The following SEMA3C variants were observed in gnomAD, a reference collection of about 807,000 sequenced individuals.
SEMA3C encodes semaphorin-3C.
SEMA3C carries 47 observed loss-of-function variants against 89.4 expected under a neutral mutation model. The observed-to-expected ratio is 0.53, with a 90% CI of 0.42 to 0.67. The LOEUF is 0.67. SEMA3C is among the 30% of genes least tolerant of loss of function. SEMA3C has a pLI of 0.00. For missense variants in SEMA3C, 839 were observed against 929.1 expected (o/e 0.90, Z 1.26); for synonymous variants, 310 against 320.2 (o/e 0.97, Z 0.34).
At position 80,761,634 on chromosome 7, in the gene SEMA3C, C is replaced by A; in HGVS notation, c.1467G>T (p.Met489Ile). 1 of 1,343,426 alleles carries A rather than the reference C, an allele frequency of 7.4e-7. No individual in the cohort carries two copies. The highest frequency in any genetic ancestry group is 1.3e-5 in the South Asian group (1 of 76,742). The allele number at this position is 1,343,426 out of a possible 1,614,324, so 83.2% of individuals were successfully genotyped here. ...VFKNHAPITT[M>I]KISSKKQQLY... is the part of the protein sequence containing the mutation. ...TTTTTACCTTTTTAGATGAAATTTT[C>A]ATTGTTGTTATAGGAGCATGATTCT... is the stretch of plus-strand genomic sequence containing the variant. Residue 489 changes from methionine (M) to isoleucine (I), a missense_variant, in exon 14 of 18, where the codon ATG becomes ATT. By Grantham distance (10) the Met-to-Ile change is conservative. Transcript: ENST00000265361.
rs1346622714 is a variant in SEMA3C, at chr7:80,775,058, A to T, written c.1355-9815T>A. On this transcript the variant is annotated intron_variant, in intron 12 of 17. Coordinates refer to ENST00000265361, the MANE Select transcript of SEMA3C (RefSeq NM_006379.5). ...GAAGCCAAGAAGATAATGGAATGGC[A>T]TTTTTTTAAATGCTGAAAGAAAAGA... Among the ~76,000 whole-genome samples, 7 of 152,198 alleles carry T rather than the reference A, an allele frequency of 4.6e-5. No homozygotes were observed. In the South Asian group the frequency reaches 6.2e-4, roughly 14 times the overall value.
intron 12 of SEMA3C, among the ~76,000 whole-genome samples, chr7:80,768,309 C>T (rs562625021): frequency 5.9e-5 from 9 of 151,962 alleles, no homozygotes; most frequent in Non-Finnish European, 1.2e-4. Flanking sequence ...GTCAGGAGAT[C>T]GAGACCATCC....
chr7:80,881,758 T>C (rs1482934800), intron 2 of SEMA3C, among the ~76,000 whole-genome samples: 1 of 152,144 alleles, frequency 6.6e-6, no homozygotes, highest in Non-Finnish European at 1.5e-5. Context: ...AGATAACCCA[T>C]TAGTAGGGCC....
At chr7:80,906,061 A>G (rs1002887892) in intron 2 of SEMA3C, 10 of 360,456 alleles carry the variant, frequency 2.8e-5, no homozygotes, top group Middle Eastern at 1.7e-3. Context: ...AAAAGGGCCT[A>G]AAAGCTTTTT....
intron 2 of SEMA3C, among the ~76,000 whole-genome samples, chr7:80,904,559 G>C (rs1274694031): frequency 6.6e-6 from 1 of 152,168 alleles, no homozygotes; most frequent in Non-Finnish European, 1.5e-5. Flanking sequence ...CTGGCTTTGA[G>C]AATCTCAACT....
intron 2 of SEMA3C, among the ~76,000 whole-genome samples, chr7:80,898,535 G>T (rs1791796058): frequency 1.3e-5 from 2 of 152,056 alleles, no homozygotes; most frequent in South Asian, 4.1e-4. Context: ...ATAAAAATAT[G>T]CATGTGTCAA....
At chr7:80,881,164 AAC>A (rs71802410) in intron 2 of SEMA3C, among the ~76,000 whole-genome samples, 24,403 of 135,076 alleles carry the variant, frequency 0.18, 2,071 homozygotes, top group African/African-American at 0.27. Flanking sequence ...TGGAGAAAGA[AAC>A]ACACACACAC....
chr7:80,744,921 G>GT lies in SEMA3C; in HGVS notation c.2228dup (p.Asn743LysfsTer32). ...ATGACTCTGGCAACTGATTCCTCCT[G>GT]TTTCTACTTTTCCGACTATTGATGA... On this transcript the variant is annotated frameshift_variant, in exon 18 of 18. Transcript: ENST00000265361. LOFTEE classifies it high-confidence loss of function. 1 of 1,614,062 alleles carries GT rather than the reference G, an allele frequency of 6.2e-7. No individual in the cohort carries two copies. Among genetic ancestry groups the GT allele is most frequent in the Non-Finnish European group, 8.5e-7 (1 of 1,179,966 alleles).
chr7:80,786,942 G>T lies in SEMA3C; in HGVS notation c.1354+2364C>A, dbSNP rs189700145. Among the ~76,000 whole-genome samples, 572 of 152,238 alleles carry T rather than the reference G, an allele frequency of 3.8e-3. 3 individuals are homozygous for T. The highest frequency in any genetic ancestry group is 0.013 in the African/African-American group (538 of 41,542). The stretch of plus-strand genomic sequence containing the variant: ...GAAGCATGATGTTTGAAATGTTAAT[G>T]GGTTATACAATGTGTGTTATCCAAC... On this transcript the variant is annotated intron_variant, in intron 12 of 17. Coordinates refer to ENST00000265361, the MANE Select transcript of SEMA3C (RefSeq NM_006379.5).
intron 4 of SEMA3C, among the ~76,000 whole-genome samples, chr7:80,824,955 C>G (rs1322010025): frequency 2.6e-5 from 4 of 152,116 alleles, no homozygotes; most frequent in Admixed American, 2.0e-4. Flanking sequence ...ATTGTAAAGA[C>G]TTAAATGTAA....
intron 2 of SEMA3C, among the ~76,000 whole-genome samples, chr7:80,891,568 T>C (rs1239123679): frequency 6.6e-6 from 1 of 152,168 alleles, no homozygotes; most frequent in Non-Finnish European, 1.5e-5. Flanking sequence ...ACATGCCCTT[T>C]CTTTGCACAC....
chr7:80,775,463 C>G, intron 12 of SEMA3C, among the ~76,000 whole-genome samples: 1 of 152,068 alleles, frequency 6.6e-6, no homozygotes, highest in East Asian at 1.9e-4. Context: ...TGATATCTTA[C>G]AGAGTATTAA....
chr7:80,901,390 T>G (rs1026013162), intron 2 of SEMA3C, among the ~76,000 whole-genome samples: 3 of 152,172 alleles, frequency 2.0e-5, no homozygotes, highest in Non-Finnish European at 4.4e-5. Context: ...GCTGTGAAAC[T>G]CACATTTTGA....
At chr7:80,840,388 A>T (rs1790234696) in intron 2 of SEMA3C, among the ~76,000 whole-genome samples, 1 of 151,690 alleles carries the variant, frequency 6.6e-6, no homozygotes, top group East Asian at 2.0e-4. Flanking sequence ...GCTTGGTGGC[A>T]TGCACCTGTA....
intron 2 of SEMA3C, among the ~76,000 whole-genome samples, chr7:80,866,165 T>C (rs530995634): frequency 1.3e-5 from 2 of 152,352 alleles, no homozygotes; most frequent in East Asian, 3.9e-4. Context: ...AACTCTATTA[T>C]ATAAATCACA....
intron 2 of SEMA3C, among the ~76,000 whole-genome samples, chr7:80,888,776 ATT>A (rs1421153488): frequency 1.3e-5 from 2 of 152,156 alleles, no homozygotes; most frequent in African/African-American, 2.4e-5. Context: ...ACAAAAAAAT[ATT>A]GAGTCCAACT....
At chr7:80,912,374 G>C (rs184567592) in intron 2 of SEMA3C, among the ~76,000 whole-genome samples, 3 of 151,978 alleles carry the variant, frequency 2.0e-5, no homozygotes, top group Non-Finnish European at 4.4e-5. Context: ...ATAGACATAC[G>C]AGGCTACATT....
intron 2 of SEMA3C, among the ~76,000 whole-genome samples, chr7:80,853,930 T>G (rs2115952476): frequency 6.6e-6 from 1 of 152,014 alleles, no homozygotes; most frequent in East Asian, 1.9e-4. Flanking sequence ...ACACACCTGC[T>G]ATGTACCCAT....
chr7:80,751,420 T>C, intron 15 of SEMA3C, 84 bp from the exon 16 acceptor site: 1 of 1,252,428 alleles, frequency 8.0e-7, no homozygotes, highest in South Asian at 1.2e-5. Flanking sequence ...TTTTAAACTT[T>C]GCACCCTTTT....
Sources: allele counts gnomAD v4.1 joint callset (sites outside exome capture counted in the v4.1 genomes callset), GRCh38; gene constraint gnomAD v4.1.1; transcripts MANE v1.5; gene names NCBI Gene and HGNC (gene_info 2026-07-23, HGNC 2026-07-21).